Variants in SNTB2 observed in about 807,000 individuals in gnomAD.
SNTB2 encodes the protein beta-2-syntrophin.
Under a neutral mutation model 46.2 loss-of-function variants are expected in SNTB2, and 34 were observed. The ratio of observed to expected loss-of-function variants is 0.74; its 90% confidence interval spans 0.56 to 0.98. The LOEUF is 0.98. Ranked by LOEUF, SNTB2 falls within the 50% of genes least tolerant of loss-of-function variation. The probability of loss-of-function intolerance (pLI) is 0.00; values close to 1 mark genes in which losing one functional copy is unlikely to be tolerated. For synonymous variants in SNTB2, 290 were observed against 312.6 expected (o/e 0.93, Z 0.76); for missense variants, 603 against 731.4 (o/e 0.82, Z 2.02).
At chr16:69,214,895 G>A (rs1381290810) in intron 1 of SNTB2, among the ~76,000 whole-genome samples, 3 of 151,236 alleles carry the variant, frequency 2.0e-5, no homozygotes, top group Non-Finnish European at 2.9e-5. Flanking sequence ...CCAGGCTGGA[G>A]TGCAGTGGTG....
intron 5 of SNTB2, among the ~76,000 whole-genome samples, chr16:69,295,237 T>TA (rs1290230046): frequency 9.3e-6 from 1 of 107,314 alleles, no homozygotes; most frequent in Non-Finnish European, 1.9e-5. Context: ...TGAATTTTTT[T>TA]TTTTTTTTTT....
intron 3 of SNTB2, among the ~76,000 whole-genome samples, chr16:69,266,423 G>A (rs79965991): frequency 1.3e-5 from 2 of 151,888 alleles, no homozygotes; most frequent in African/African-American, 4.8e-5. Flanking sequence ...CAATCAGAAT[G>A]ATTAAACTTA....
At chr16:69,213,492 C>A (rs188450626) in intron 1 of SNTB2, among the ~76,000 whole-genome samples, 137 of 145,888 alleles carry the variant, frequency 9.4e-4, no homozygotes, top group Non-Finnish European at 1.7e-3. Context: ...ATGATAAATA[C>A]TGTTATTCTT....
rs1567416507 is a variant in SNTB2, at chr16:69,292,420, ATATATATATATATAT to A, written c.1346-7157_1346-7143del. On this transcript the variant is annotated intron_variant, in intron 5 of 6. Transcript: ENST00000336278. ...TATATATATATATTATATATATATT[ATATATATATATATAT>A]TATATATATATAATTTTTTTTTTGA... 1.6e-3 allele frequency among the ~76,000 whole-genome samples: 23 copies of A among 14,806 alleles called. 3 individuals carry two copies. The highest frequency in any genetic ancestry group is 3.4e-3 in the African/African-American group (5 of 1,476). The allele number at this position is 14,806 out of a possible 152,430, so 9.7% of individuals were successfully genotyped here.
chr16:69,260,368 C>T, intron 3 of SNTB2, 108 bp downstream of exon 3: 2 of 973,448 alleles, frequency 2.1e-6, no homozygotes, highest in South Asian at 3.1e-5. Flanking sequence ...ACCTGGATAT[C>T]TAGCTTGCAG....
intron 4 of SNTB2, among the ~76,000 whole-genome samples, chr16:69,278,333 AAAAG>A (rs776051842): frequency 6.9e-4 from 105 of 152,312 alleles, no homozygotes; most frequent in Non-Finnish European, 1.2e-3. Context: ...AAATTAAAAA[AAAAG>A]AAAATATAAA....
chr16:69,220,180 T>TTTTG (rs1964387524), intron 1 of SNTB2, among the ~76,000 whole-genome samples: 1 of 143,006 alleles, frequency 7.0e-6, no homozygotes, highest in African/African-American at 2.7e-5. Context: ...TTTTTTTTTT[T>TTTTG]GAGACAGAGT....
At position 69,187,761 on chromosome 16, in the gene SNTB2, G is replaced by A; in HGVS notation, c.580+15G>A. ...GCTGCTGGAGGGTGAGCGGGGCCGG[G>A]CGGGAGGGTGGGCAGGCCGCGGCGG... On this transcript the variant is annotated intron_variant, in intron 1 of 6. Transcript: ENST00000336278. 1.4e-6 allele frequency: 2 copies of A among 1,385,014 alleles called. No homozygotes were observed. The highest frequency in any genetic ancestry group is 1.9e-6 in the Non-Finnish European group (2 of 1,066,894). 85.8% of individuals were successfully genotyped at this position (1,385,014 alleles called of 1,614,324 possible).
At chr16:69,249,396 C>T (rs370460380) in intron 2 of SNTB2, among the ~76,000 whole-genome samples, 19 of 152,052 alleles carry the variant, frequency 1.2e-4, no homozygotes, top group Admixed American at 3.3e-4. Flanking sequence ...AAAGGCAAAA[C>T]GTTATAAAGT....
At position 69,301,115 on chromosome 16, in the gene SNTB2, C is replaced by T. The variant is rs1321394170; in HGVS notation, c.*191C>T. ...TCACAGTCTACCTTGGCCAGATATT[C>T]TAGCACTCTAAAAGGCTCCAAAATG... On this transcript the variant is annotated 3_prime_UTR_variant, in exon 7 of 7. Transcript: ENST00000336278. 5.8e-6 allele frequency: 3 copies of T among 519,974 alleles called. No individual in the cohort carries two copies. The highest frequency in any genetic ancestry group is 1.0e-5 in the Non-Finnish European group (3 of 287,448). 32.2% of individuals were successfully genotyped at this position (519,974 alleles called of 1,614,324 possible). A position where few individuals can be genotyped will look rare whatever the true frequency, so the allele number is the denominator to read the frequency against.
rs576593005 is a variant in SNTB2 at position 69,304,534 on chromosome 16, C to A, written c.*3610C>A. ...CTTATATTTTTATAAGTAAAAAAAT[C>A]TTTCTAAACAACAAATACCTAACAT... On this transcript the variant is annotated 3_prime_UTR_variant, in exon 7 of 7. Transcript: ENST00000336278. The A allele has an allele frequency of 2.0e-5, 3 of 152,572 alleles. No homozygotes were observed. The highest frequency in any genetic ancestry group is 4.1e-4 in the South Asian group (2 of 4,830). 9.5% of individuals were successfully genotyped at this position (152,572 alleles called of 1,614,324 possible). A position where few individuals can be genotyped will look rare whatever the true frequency, so the allele number is the denominator to read the frequency against.
chr16:69,249,888 C>T (rs1036632303), intron 2 of SNTB2, among the ~76,000 whole-genome samples: 4 of 152,068 alleles, frequency 2.6e-5, no homozygotes, highest in Non-Finnish European at 4.4e-5. Flanking sequence ...CACTTGATAT[C>T]AGGAGTTCGA....
At chr16:69,294,218 A>G (rs916386872) in intron 5 of SNTB2, among the ~76,000 whole-genome samples, 27 of 152,024 alleles carry the variant, frequency 1.8e-4, no homozygotes, top group Non-Finnish European at 5.9e-5. Context: ...GAATCTCACT[A>G]TGTTGCCTAG....
chr16:69,261,008 T>C (rs1964829329), intron 3 of SNTB2, among the ~76,000 whole-genome samples: 1 of 152,066 alleles, frequency 6.6e-6, no homozygotes, highest in African/African-American at 2.4e-5. Context: ...TGTGACATTA[T>C]GTTACATCTT....
At position 69,245,625 on chromosome 16, in the gene SNTB2, C is replaced by G; in HGVS notation, c.604C>G (p.Pro202Ala). ...LEVKFIREVT[P>A]YIKKPSLVSD... ...AGTCAAGTTCATCCGAGAAGTAACACCATATATCAAGAAGCCATCATTAGT... is the reference window on the plus strand; with the variant it reads ...AGTCAAGTTCATCCGAGAAGTAACAGCATATATCAAGAAGCCATCATTAGT... The change falls in exon 2 of 7, where the codon CCA becomes GCA. Residue 202 changes from proline to alanine, a missense_variant. Transcript: ENST00000336278. 6.2e-7 allele frequency: 1 copy of G among 1,613,970 alleles called. No individual in the cohort carries two copies. The highest frequency in any genetic ancestry group is 1.1e-5 in the South Asian group (1 of 91,080).
chr16:69,228,864 G>GCCT (rs1199777197), intron 1 of SNTB2, among the ~76,000 whole-genome samples: 1 of 152,092 alleles, frequency 6.6e-6, no homozygotes, highest in Non-Finnish European at 1.5e-5. Context: ...GAAAACTGAG[G>GCCT]CTCAGAGGTA....
intron 1 of SNTB2, among the ~76,000 whole-genome samples, chr16:69,206,766 A>G (rs1020435528): frequency 2.0e-5 from 3 of 150,368 alleles, no homozygotes; most frequent in South Asian, 2.1e-4. Context: ...TTTTATTTTT[A>G]TATACTTATT....
intron 1 of SNTB2, among the ~76,000 whole-genome samples, chr16:69,209,792 G>A (rs1432599842): frequency 6.6e-6 from 1 of 152,076 alleles, no homozygotes; most frequent in Non-Finnish European, 1.5e-5. Context: ...TAATTTAGAA[G>A]GAGAGATATA....
At chr16:69,190,445 C>T (rs1337804031) in intron 1 of SNTB2, among the ~76,000 whole-genome samples, 1 of 152,132 alleles carries the variant, frequency 6.6e-6, no homozygotes, top group African/African-American at 2.4e-5. Flanking sequence ...TTAACTCATG[C>T]CAGAGGCACT....
Sources: gnomAD v4.1 joint callset for allele counts (sites outside exome capture counted in the v4.1 genomes callset) on GRCh38, gnomAD v4.1.1 for gene constraint, MANE v1.5 for transcripts, NCBI Gene and HGNC (gene_info 2026-07-23, HGNC 2026-07-21) for gene names.